The following NXPE2 variants were observed in gnomAD, a reference collection of about 807,000 sequenced individuals.
The protein encoded by NXPE2 is neurexophilin and PC-esterase domain family member 2.
NXPE2 carries 34 observed loss-of-function variants against 34.4 expected under a neutral mutation model. The observed-to-expected ratio is 0.99, with a 90% CI of 0.75 to 1.31. The LOEUF is 1.31. Ranked by LOEUF, NXPE2 falls within the 40% of genes most tolerant of loss-of-function variation. The probability of loss-of-function intolerance (pLI) is 0.00; values close to 1 mark genes in which losing one functional copy is unlikely to be tolerated. For missense variants in NXPE2, 649 were observed against 672.5 expected, an observed-to-expected ratio of 0.97 and a Z score of 0.39; for synonymous variants, 235 against 231.3, an observed-to-expected ratio of 1.02 and a Z score of -0.15.
chr11:114,659,667 T>A, the NXPE2 span, among the ~76,000 whole-genome samples: 1 of 152,092 alleles, frequency 6.6e-6, no homozygotes. Flanking sequence ...GGGATGCAGG[T>A]AAAGCAGTGT....
chr11:114,772,000 G>A, the NXPE2 span, among the ~76,000 whole-genome samples: 6 of 152,324 alleles, frequency 3.9e-5, no homozygotes, highest in Non-Finnish European at 8.8e-5. Context: ...GTGGTAGCAG[G>A]GGAAGAGACA....
At chr11:114,631,755 C>T in the NXPE2 span, among the ~76,000 whole-genome samples, 13 of 151,576 alleles carry the variant, frequency 8.6e-5, no homozygotes, top group East Asian at 1.9e-4. Flanking sequence ...CACTGTCACC[C>T]GGTGGATAAT....
chr11:114,690,433 T>C lies in NXPE2; in HGVS notation c.133-7612T>C, dbSNP rs190416411. Among the ~76,000 whole-genome samples, 5 of 152,302 alleles carry C rather than the reference T, an allele frequency of 3.3e-5. No homozygotes were observed. The East Asian group carries it at 7.7e-4, about 24-fold the overall frequency. On this transcript the variant is annotated intron_variant, in intron 2 of 5. Transcript: ENST00000389586. The stretch of plus-strand genomic sequence containing the variant: ...TGCTAAAAATGGAACCTCTGTCTCT[T>C]CTGGCTTGTAAGGTTTCAGCTGAGA...
chr11:114,785,572 G>C, the NXPE2 span, among the ~76,000 whole-genome samples: 1 of 152,094 alleles, frequency 6.6e-6, no homozygotes. Flanking sequence ...GCAACACTGT[G>C]TTCCAACGTG....
chr11:114,766,387 C>T, the NXPE2 span, among the ~76,000 whole-genome samples: 1 of 152,156 alleles, frequency 6.6e-6, no homozygotes, highest in Non-Finnish European at 1.5e-5. Context: ...TATAATTTGG[C>T]TTCATCCAAC....
At chr11:114,468,754 A>T in the NXPE2 span, among the ~76,000 whole-genome samples, 4 of 152,212 alleles carry the variant, frequency 2.6e-5, no homozygotes, top group South Asian at 8.3e-4. Flanking sequence ...AATATTTAAT[A>T]AATATTAACT....
At chr11:114,530,857 C>T in the NXPE2 span, 314 of 1,613,592 alleles carry the variant, frequency 1.9e-4, 1 homozygote, top group East Asian at 4.4e-3. Context: ...AAGGACTTTG[C>T]GGAGTTGTTC....
At chr11:114,642,425 C>A in the NXPE2 span, among the ~76,000 whole-genome samples, 6 of 151,728 alleles carry the variant, frequency 4.0e-5, no homozygotes, top group African/African-American at 1.5e-4. Context: ...CCTCCCCACT[C>A]CCCCCAGCCC....
At chr11:114,702,505 T>C (rs1353136831) in intron 3 of NXPE2, among the ~76,000 whole-genome samples, 1 of 152,172 alleles carries the variant, frequency 6.6e-6, no homozygotes, top group Non-Finnish European at 1.5e-5. Flanking sequence ...GGATCCTCAG[T>C]AATAATAATT....
the NXPE2 span, among the ~76,000 whole-genome samples, chr11:114,617,163 T>C: frequency 4.8e-5 from 7 of 145,192 alleles, no homozygotes; most frequent in Admixed American, 2.7e-4. Context: ...TGGGTAACCA[T>C]TGTTACCCAG....
the NXPE2 span, among the ~76,000 whole-genome samples, chr11:114,475,226 G>GTTTTTTTTTTTTTTTTTTTTTTT: frequency 5.7e-5 from 5 of 88,066 alleles, 2 homozygotes; most frequent in African/African-American, 1.6e-4. Context: ...AATGTGAACT[G>GTTTTTTTTTTTTTTTTTTTTTTT]TTTTTTTTTT....
chr11:114,798,178 A>G, the NXPE2 span, among the ~76,000 whole-genome samples: 1 of 152,218 alleles, frequency 6.6e-6, no homozygotes, highest in African/African-American at 2.4e-5. Context: ...ATGTCAAGCA[A>G]TATTTGAATC....
chr11:114,764,572 C>A, the NXPE2 span, among the ~76,000 whole-genome samples: 1 of 152,122 alleles, frequency 6.6e-6, no homozygotes, highest in Non-Finnish European at 1.5e-5. Flanking sequence ...CTAGTTTCTA[C>A]ACTTTTCTGT....
the NXPE2 span, chr11:114,522,469 G>T: frequency 1.2e-6 from 2 of 1,608,106 alleles, no homozygotes; most frequent in South Asian, 1.1e-5. Flanking sequence ...GTTTCTTAAA[G>T]ATTCCAGTTT....
chr11:114,629,157 C>T, the NXPE2 span, among the ~76,000 whole-genome samples: 3 of 152,084 alleles, frequency 2.0e-5, no homozygotes, highest in Non-Finnish European at 4.4e-5. Flanking sequence ...AGGGAACCCT[C>T]CCTAACTCAT....
chr11:114,586,956 C>T, the NXPE2 span, among the ~76,000 whole-genome samples: 1 of 152,076 alleles, frequency 6.6e-6, no homozygotes, highest in East Asian at 1.9e-4. Context: ...GTCCTCCTTC[C>T]CTCCCCACAC....
At chr11:114,721,217 G>A in the NXPE2 span, among the ~76,000 whole-genome samples, 1 of 151,346 alleles carries the variant, frequency 6.6e-6, no homozygotes, top group Non-Finnish European at 1.5e-5. Context: ...CACCTGGTTT[G>A]GCTTATTCAG....
At chr11:114,540,885 T>TTTTTTTTTTTTTTTTTTTTTTTTTTTG in the NXPE2 span, among the ~76,000 whole-genome samples, 3 of 81,242 alleles carry the variant, frequency 3.7e-5, no homozygotes, top group Non-Finnish European at 7.4e-5. Context: ...TTTTTTTTTT[T>TTTTTTTTTTTTTTTTTTTTTTTTTTTG]GGCTTGAACA....
chr11:114,483,434 G>C, the NXPE2 span, among the ~76,000 whole-genome samples: 1 of 152,316 alleles, frequency 6.6e-6, no homozygotes, highest in Non-Finnish European at 1.5e-5. Flanking sequence ...AGCACAGTTT[G>C]CTCTTTTATC....
Sources: allele counts gnomAD v4.1 joint callset (sites outside exome capture counted in the v4.1 genomes callset), GRCh38; gene constraint gnomAD v4.1.1; transcripts MANE v1.5; gene names NCBI Gene and HGNC (gene_info 2026-07-23, HGNC 2026-07-21).